The following FRAS1 variants were observed in gnomAD, a reference collection of about 807,000 sequenced individuals.
The protein encoded by FRAS1 is Fraser extracellular matrix complex subunit 1.
Under a neutral mutation model 435.2 loss-of-function variants are expected in FRAS1, and 290 were observed. That is an observed-to-expected ratio of 0.67 (90% CI 0.61 to 0.73). FRAS1 has a LOEUF of 0.73. Ranked by LOEUF, FRAS1 falls within the 30% of genes least tolerant of loss-of-function variation. The pLI is 0.00. For missense variants in FRAS1, 4,860 were observed against 5,001.5 expected (o/e 0.97, Z 0.85); for synonymous variants, 1,800 against 1,851.0 (o/e 0.97, Z 0.71).
rs74503518 is a variant in FRAS1, at chr4:78,429,807, A to G, written c.4844-485A>G. 1.4e-3 allele frequency among the ~76,000 whole-genome samples: 218 copies of G among 152,318 alleles called. 3 individuals carry two copies. The East Asian group carries it at 0.037, about 26-fold the overall frequency. ...ACATATGGGGTTTGGCCTAAAATTA[A>G]TTTTTACCAAACTTACAAATAAGCC... On this transcript the variant is annotated intron_variant, in intron 36 of 73. Transcript: ENST00000512123.
intron 1 of FRAS1, among the ~76,000 whole-genome samples, chr4:78,065,005 T>C (rs1257658246): frequency 6.7e-6 from 1 of 148,794 alleles, no homozygotes; most frequent in Non-Finnish European, 1.5e-5. Flanking sequence ...AGCTCAAAAA[T>C]TGGTTGGGAA....
chr4:78,093,516 A>T (rs1490338499), intron 2 of FRAS1, among the ~76,000 whole-genome samples: 1 of 152,234 alleles, frequency 6.6e-6, no homozygotes, highest in Non-Finnish European at 1.5e-5. Flanking sequence ...ATTTCAGAAG[A>T]GCAGAAGATT....
At chr4:78,100,368 G>T (rs568334536) in intron 2 of FRAS1, among the ~76,000 whole-genome samples, 2 of 152,278 alleles carry the variant, frequency 1.3e-5, no homozygotes, top group South Asian at 4.1e-4. Context: ...GGAAATTCAG[G>T]CCAAGAAACA....
chr4:78,329,184 A>G (rs2110252687), intron 18 of FRAS1, among the ~76,000 whole-genome samples: 1 of 152,354 alleles, frequency 6.6e-6, no homozygotes, highest in Non-Finnish European at 1.5e-5. Flanking sequence ...AGTAGGAAAT[A>G]TCAAAATTTG....
chr4:78,423,684 A>G (rs185907840), intron 34 of FRAS1, among the ~76,000 whole-genome samples: 34 of 152,340 alleles, frequency 2.2e-4, no homozygotes, highest in Admixed American at 9.8e-4. Flanking sequence ...TTAACTCCTC[A>G]ATTAGATTGA....
chr4:78,226,110 G>A (rs1427726152), intron 2 of FRAS1, among the ~76,000 whole-genome samples: 1 of 151,998 alleles, frequency 6.6e-6, no homozygotes, highest in Non-Finnish European at 1.5e-5. Flanking sequence ...GTTAAACATT[G>A]TATTTACCTC....
At chr4:78,137,716 G>T (rs1229932251) in intron 2 of FRAS1, among the ~76,000 whole-genome samples, 1 of 152,206 alleles carries the variant, frequency 6.6e-6, no homozygotes, top group Non-Finnish European at 1.5e-5. Flanking sequence ...ATTTGGGTGT[G>T]TGTGTGTGGC....
intron 57 of FRAS1, 63 bp downstream of exon 57, chr4:78,482,027 G>A (rs1720027061): frequency 6.5e-7 from 1 of 1,533,550 alleles, no homozygotes; most frequent in African/African-American, 1.4e-5. Context: ...GTTGTCTTTA[G>A]TTTGCTTCCC....
chr4:78,163,469 G>A (rs1721219010), intron 2 of FRAS1, among the ~76,000 whole-genome samples: 1 of 152,126 alleles, frequency 6.6e-6, no homozygotes, highest in African/African-American at 2.4e-5. Flanking sequence ...CCAAGAGTGG[G>A]TAATATTTAA....
At chr4:78,078,687 A>G (rs578019789) in intron 2 of FRAS1, among the ~76,000 whole-genome samples, 10 of 152,124 alleles carry the variant, frequency 6.6e-5, no homozygotes, top group Non-Finnish European at 1.3e-4. Context: ...AAATCTAACC[A>G]AAAATAATTC....
chr4:78,363,683 T>C lies in FRAS1; in HGVS notation c.2575+18T>C. 6.4e-7 allele frequency: 1 copy of C among 1,568,314 alleles called. No individual in the cohort carries two copies. The highest frequency in any genetic ancestry group is 8.6e-7 in the Non-Finnish European group (1 of 1,156,276). On this transcript the variant is annotated intron_variant, in intron 21 of 73. Coordinates refer to ENST00000512123, the MANE Select transcript of FRAS1 (RefSeq NM_025074.7). ...TTGTAAAAGTGAGTAAGTGCTGGAC[T>C]CAGGAGCTGGAGCTGCCACCTGAGG...
intron 38 of FRAS1, among the ~76,000 whole-genome samples, chr4:78,433,126 G>T (rs1024839978): frequency 1.3e-5 from 2 of 152,056 alleles, no homozygotes; most frequent in Non-Finnish European, 2.9e-5. Context: ...TCCTTCTTTT[G>T]CCCCACAAGA....
chr4:78,445,723 T>C lies in FRAS1; in HGVS notation c.5856+11T>C. The C allele has an allele frequency of 1.9e-6, 3 of 1,613,610 alleles. No homozygotes were observed. The highest frequency in any genetic ancestry group is 2.5e-6 in the Non-Finnish European group (3 of 1,179,656). ...AATATCACCATTGAGGTAAAGACTT[T>C]GGAAGTTGGAAAGGTTGAGCCCTTG... On this transcript the variant is annotated intron_variant, in intron 42 of 73. Coordinates refer to ENST00000512123, the MANE Select transcript of FRAS1 (RefSeq NM_025074.7).
At chr4:78,140,448 CTTG>C (rs1720112540) in intron 2 of FRAS1, among the ~76,000 whole-genome samples, 2 of 152,072 alleles carry the variant, frequency 1.3e-5, no homozygotes, top group Non-Finnish European at 2.9e-5. Flanking sequence ...CCTCCAGGAA[CTTG>C]TTGTATGACC....
At chr4:78,493,654 T>A (rs1260819424) in intron 59 of FRAS1, among the ~76,000 whole-genome samples, 1 of 151,740 alleles carries the variant, frequency 6.6e-6, no homozygotes, top group Non-Finnish European at 1.5e-5. Flanking sequence ...GGGGCCTGTC[T>A]GGGTGGTGGG....
At chr4:78,129,988 G>A (rs1358834556) in intron 2 of FRAS1, among the ~76,000 whole-genome samples, 1 of 152,122 alleles carries the variant, frequency 6.6e-6, no homozygotes, top group African/African-American at 2.4e-5. Flanking sequence ...CTTGGCTCCT[G>A]CACTAGATTG....
intron 14 of FRAS1, among the ~76,000 whole-genome samples, chr4:78,292,131 A>T (rs1727928027): frequency 6.6e-6 from 1 of 152,220 alleles, no homozygotes. Context: ...TTTATTTTTC[A>T]ACCTATAGAG....
intron 14 of FRAS1, among the ~76,000 whole-genome samples, chr4:78,305,829 G>C (rs139257468): frequency 0.051 from 7,677 of 151,664 alleles, 395 homozygotes; most frequent in East Asian, 0.3. Context: ...TTGCCAGTCT[G>C]TGTCTTTTAA....
chr4:78,063,840 G>A lies in FRAS1; in HGVS notation c.77-2145G>A, dbSNP rs543223543. Among the ~76,000 whole-genome samples the A allele has an allele frequency of 2.4e-4, 37 of 152,126 alleles. 1 individual carries two copies. The highest frequency in any genetic ancestry group is 7.9e-4 in the African/African-American group (33 of 41,528). Reference sequence around the variant, plus strand: ...ATTTTAAAGATTAAATTTTGTTTGTGTTTTTTCTAAAAGTTAAGTTTTGTT... The same window carrying A: ...ATTTTAAAGATTAAATTTTGTTTGTATTTTTTCTAAAAGTTAAGTTTTGTT... On this transcript the variant is annotated intron_variant, in intron 1 of 73. Transcript: ENST00000512123.
Sources: gnomAD v4.1 joint callset for allele counts (sites outside exome capture counted in the v4.1 genomes callset) on GRCh38, gnomAD v4.1.1 for gene constraint, MANE v1.5 for transcripts, NCBI Gene and HGNC (gene_info 2026-07-23, HGNC 2026-07-21) for gene names.